FGF2: variants seen among roughly 807,000 people sequenced by gnomAD.
FGF2 encodes the protein basic fibroblast growth factor bFGF.
FGF2 carries 13 observed loss-of-function variants against 15.9 expected under a neutral mutation model. The ratio of observed to expected loss-of-function variants is 0.82; its 90% confidence interval spans 0.53 to 1.30. The LOEUF is 1.30. FGF2 is among the 50% of genes most tolerant of loss of function. The pLI is 0.00. For missense variants in FGF2, 163 were observed against 196.9 expected (o/e 0.83, Z 1.03); for synonymous variants, 90 against 78.4 (o/e 1.15, Z -0.78).
intron 1 of FGF2, among the ~76,000 whole-genome samples, chr4:122,844,586 T>TCTTTCTTTCTTTCTTTCTTTCTTCCTTC (rs1419377686): frequency 6.0e-5 from 8 of 133,780 alleles, no homozygotes; most frequent in African/African-American, 2.6e-4. Flanking sequence ...TTTCTTTCTT[T>TCTTTCTTTCTTTCTTTCTTTCTTCCTTC]CTTCCTTCCT....
intron 1 of FGF2, among the ~76,000 whole-genome samples, chr4:122,834,172 C>A (rs1445541197): frequency 2.0e-5 from 3 of 152,202 alleles, no homozygotes; most frequent in Non-Finnish European, 4.4e-5. Flanking sequence ...CAAGTTACCA[C>A]CCCGAACAGG....
At position 122,891,424 on chromosome 4, in the gene FGF2, C is replaced by CTTTT. The variant is rs57602061; in HGVS notation, c.283-774_283-771dup. ...CAGGTCTTTTTGAAAGCCAGCTATC[C>CTTTT]TTTTTTTTTTTTTTTTGATAAATAG... On this transcript the variant is annotated intron_variant, in intron 2 of 2. Coordinates refer to ENST00000644866, the MANE Select transcript of FGF2 (RefSeq NM_001361665.2). Among the ~76,000 whole-genome samples the CTTTT allele has an allele frequency of 2.0e-3, 264 of 135,242 alleles. 1 individual carries two copies. Among genetic ancestry groups the CTTTT allele is most frequent in the Admixed American group, 0.01 (137 of 13,596 alleles). The allele number at this position is 135,242 out of a possible 152,430, so 88.7% of individuals were successfully genotyped here.
intron 1 of FGF2, among the ~76,000 whole-genome samples, chr4:122,850,804 G>C (rs72917862): frequency 0.013 from 1,961 of 152,198 alleles, 35 homozygotes; most frequent in African/African-American, 0.045. Flanking sequence ...TTGTGGCACA[G>C]GGGAAGGAAA....
intron 1 of FGF2, among the ~76,000 whole-genome samples, chr4:122,839,296 A>T (rs1486223474): frequency 1.3e-5 from 2 of 152,218 alleles, no homozygotes; most frequent in Non-Finnish European, 2.9e-5. Flanking sequence ...GGATGTTTTC[A>T]AAGTATAGTT....
chr4:122,889,187 A>C (rs769676792), intron 2 of FGF2, among the ~76,000 whole-genome samples: 13 of 152,176 alleles, frequency 8.5e-5, no homozygotes, highest in Admixed American at 6.5e-5. Context: ...ATAATGTTAA[A>C]ATATTGTTGT....
intron 1 of FGF2, among the ~76,000 whole-genome samples, chr4:122,858,220 G>A (rs1172134202): frequency 6.6e-6 from 1 of 151,990 alleles, no homozygotes; most frequent in Non-Finnish European, 1.5e-5. Context: ...GGGATGATAT[G>A]CAAAATAAAA....
chr4:122,847,635 A>ATCTATCTATCTATCTG (rs1726141771), intron 1 of FGF2, among the ~76,000 whole-genome samples: 1 of 135,298 alleles, frequency 7.4e-6, no homozygotes, highest in Non-Finnish European at 1.5e-5. Context: ...CTATCTATCT[A>ATCTATCTATCTATCTG]TCTATCTGTC....
At chr4:122,864,462 G>A (rs1043809085) in intron 1 of FGF2, among the ~76,000 whole-genome samples, 7 of 152,144 alleles carry the variant, frequency 4.6e-5, no homozygotes, top group African/African-American at 1.7e-4. Flanking sequence ...AAATTACTGT[G>A]AGTGGTATAA....
chr4:122,864,584 C>A (rs1473041266), intron 1 of FGF2, among the ~76,000 whole-genome samples: 1 of 152,204 alleles, frequency 6.6e-6, no homozygotes, highest in Non-Finnish European at 1.5e-5. Context: ...GTTCACATAT[C>A]CCTTTTGGGT....
At position 122,827,729 on chromosome 4, in the gene FGF2, G is replaced by A. The variant is rs368546149; in HGVS notation, c.178+377G>A. Among the ~76,000 whole-genome samples, 5 of 152,344 alleles carry A rather than the reference G, an allele frequency of 3.3e-5. No homozygotes were observed. The highest frequency in any genetic ancestry group is 4.1e-4 in the South Asian group (2 of 4,828). On this transcript the variant is annotated intron_variant, in intron 1 of 2. Transcript: ENST00000644866. This position sits in a 1 kb window ranked among gnomAD's most constrained non-coding sequence, Gnocchi z 4.2. Reference sequence around the variant, plus strand: ...TCTATCTGCTGCGTGCTGTCCCGGGGACAAAGACAGGAAGGACCGCAGCAG... The same window carrying A: ...TCTATCTGCTGCGTGCTGTCCCGGGAACAAAGACAGGAAGGACCGCAGCAG...
intron 2 of FGF2, among the ~76,000 whole-genome samples, chr4:122,889,258 C>G (rs1249817785): frequency 6.6e-6 from 1 of 152,112 alleles, no homozygotes; most frequent in African/African-American, 2.4e-5. Flanking sequence ...TTTCTCAGCT[C>G]TTAGGCCTAT....
At chr4:122,840,019 T>C (rs558964192) in intron 1 of FGF2, among the ~76,000 whole-genome samples, 1 of 152,272 alleles carries the variant, frequency 6.6e-6, no homozygotes, top group South Asian at 2.1e-4. Flanking sequence ...GTTGTCTCTT[T>C]GTATGTCCAG....
intron 1 of FGF2, among the ~76,000 whole-genome samples, chr4:122,844,806 T>A (rs1726076592): frequency 6.6e-6 from 1 of 152,072 alleles, no homozygotes; most frequent in South Asian, 2.1e-4. Context: ...CCAGCTATTT[T>A]AAAAATTTTT....
At chr4:122,870,757 C>G (rs1378960827) in intron 1 of FGF2, among the ~76,000 whole-genome samples, 1 of 151,776 alleles carries the variant, frequency 6.6e-6, no homozygotes, top group East Asian at 1.9e-4. Context: ...ATTTGTTAAT[C>G]TTTTCAAAAA....
At chr4:122,847,159 C>T (rs1726129232) in intron 1 of FGF2, among the ~76,000 whole-genome samples, 1 of 152,216 alleles carries the variant, frequency 6.6e-6, no homozygotes, top group African/African-American at 2.4e-5. Flanking sequence ...CTTGAATTCA[C>T]TGTCTATTCT....
intron 1 of FGF2, among the ~76,000 whole-genome samples, chr4:122,856,677 A>C (rs1357504957): frequency 6.6e-6 from 1 of 152,218 alleles, no homozygotes; most frequent in African/African-American, 2.4e-5. Context: ...CAGTTGTAAA[A>C]AGATAATACA....
intron 1 of FGF2, among the ~76,000 whole-genome samples, chr4:122,871,065 G>A (rs538023511): frequency 3.3e-5 from 5 of 152,060 alleles, no homozygotes; most frequent in African/African-American, 7.2e-5. Context: ...CATTTCTGCC[G>A]TAATTTCATT....
At chr4:122,879,022 C>T (rs1187841939) in intron 2 of FGF2, among the ~76,000 whole-genome samples, 1 of 152,166 alleles carries the variant, frequency 6.6e-6, no homozygotes, top group Non-Finnish European at 1.5e-5. Flanking sequence ...GAACAGTCTA[C>T]ATTGATTGTT....
intron 1 of FGF2, among the ~76,000 whole-genome samples, chr4:122,858,213 A>G (rs943672194): frequency 1.3e-5 from 2 of 152,106 alleles, no homozygotes; most frequent in East Asian, 3.8e-4. Flanking sequence ...GGCTTCTGGG[A>G]TGATATGCAA....
Sources: gnomAD v4.1 joint callset for allele counts (sites outside exome capture counted in the v4.1 genomes callset) on GRCh38, gnomAD v4.1.1 for gene constraint, Gnocchi (gnomAD v3.1) non-coding constraint, MANE v1.5 for transcripts, NCBI Gene and HGNC (gene_info 2026-07-23, HGNC 2026-07-21) for gene names.